Variants in ADIG observed in about 807,000 individuals in gnomAD.
ADIG encodes the protein adipogenesis associated.
ADIG carries 12 observed loss-of-function variants against 10.7 expected under a neutral mutation model. That is an observed-to-expected ratio of 1.12 (90% confidence interval 0.72 to 1.82). The LOEUF (loss-of-function observed/expected upper bound fraction) is 1.82. ADIG is among the 40% of genes most tolerant of loss of function. ADIG has a pLI of 0.00. For missense variants in ADIG, 72 were observed against 92.5 expected (o/e 0.78, Z 0.91); for synonymous variants, 32 against 35.6 (o/e 0.90, Z 0.36).
At chr20:38,585,626 C>A in intron 1 of ADIG, 1 of 1,180,036 alleles carries the variant, frequency 8.5e-7, no homozygotes, top group Non-Finnish European at 1.2e-6. Flanking sequence ...TGTTTCATCA[C>A]AAAACAGGGC....
intron 1 of ADIG, chr20:38,585,530 G>C (rs1224058771): frequency 6.5e-7 from 1 of 1,550,280 alleles, no homozygotes; most frequent in Non-Finnish European, 8.7e-7. Context: ...CATGTGGTGT[G>C]ACTCTCCCAC....
At chr20:38,588,007 G>A in intron 2 of ADIG, 94 bp from the exon 3 acceptor site, 1 of 1,207,592 alleles carries the variant, frequency 8.3e-7, no homozygotes, top group South Asian at 1.5e-5. Flanking sequence ...CAAAGTGCTG[G>A]GATTACAGGC....
At chr20:38,583,635 AGAG>A (rs2088607801) in intron 1 of ADIG, among the ~76,000 whole-genome samples, 1 of 152,210 alleles carries the variant, frequency 6.6e-6, no homozygotes, top group Non-Finnish European at 1.5e-5. Context: ...CCTTCTCCAG[AGAG>A]GAGACATTTC....
chr20:38,582,279 C>T (rs1013413694), intron 1 of ADIG, among the ~76,000 whole-genome samples: 10 of 152,136 alleles, frequency 6.6e-5, no homozygotes, highest in African/African-American at 2.4e-4. Flanking sequence ...CATCTGTGGT[C>T]CCAGCTACTG....
rs781332344 is a variant in ADIG at position 38,581,383 on chromosome 20, C to G, written c.124+9C>G. 32 of 1,613,766 alleles carry G rather than the reference C, an allele frequency of 2.0e-5. No individual in the cohort carries two copies. In the East Asian group the frequency reaches 7.1e-4, roughly 36 times the overall value. ...CTTCTTACTTAGCCAAGGTGAGCTT[C>G]TTACCCCGTCCAGGCAGGACCCTAA... On this transcript the variant is annotated intron_variant, in intron 1 of 2. Transcript: ENST00000537425.
In ADIG at chr20:38,586,049, A is replaced by C. The variant is rs376449177; in HGVS notation, c.145A>C (p.Ser49Arg). 71 of 1,609,566 alleles carry C rather than the reference A, an allele frequency of 4.4e-5. No homozygotes were observed. Among genetic ancestry groups the C allele is most frequent in the Non-Finnish European group, 5.9e-5 (70 of 1,178,188 alleles). The change falls in exon 2 of 3, where the codon AGT becomes CGT. Residue 49 changes from serine (S) to arginine (R), a missense_variant. Ser to Arg is a moderately radical substitution (Grantham distance 110). Coordinates refer to ENST00000537425, the MANE Select transcript of ADIG (RefSeq NM_001393816.1). ...LSQDSEENDS[S>R]VCLDWEPWSK... ...CACAGATTCAGAGGAAAATGACTCC[A>C]GTGTGTGCTTGGATTGGGAGCCCTG...
intron 1 of ADIG, among the ~76,000 whole-genome samples, chr20:38,582,916 C>T (rs1051119239): frequency 5.9e-5 from 9 of 152,156 alleles, no homozygotes; most frequent in African/African-American, 2.2e-4. Flanking sequence ...CTCCTGGCTT[C>T]AAGCGATTCT....
intron 1 of ADIG, among the ~76,000 whole-genome samples, chr20:38,584,182 CGAA>C (rs969681130): frequency 3.3e-5 from 5 of 152,078 alleles, no homozygotes; most frequent in African/African-American, 7.2e-5. Context: ...TTTCCCAAGT[CGAA>C]GGAGGAGCAA....
chr20:38,581,294 C>G lies in ADIG; in HGVS notation c.44C>G (p.Ser15Cys). Reference sequence around the variant, plus strand: ...CCGCTGGTGAACGACCTCACATTTTCTTTCCTGGTTTTCTGGTTCTGCCTC... The same window carrying G: ...CCGCTGGTGAACGACCTCACATTTTGTTTCCTGGTTTTCTGGTTCTGCCTC... The part of the protein sequence containing the change: ...LMPLVNDLTF[S>C]FLVFWFCLPV... Residue 15 changes from serine to cysteine, a missense_variant, in exon 1 of 3, where the codon TCT becomes TGT. Transcript: ENST00000537425. The G allele has an allele frequency of 1.9e-6, 3 of 1,613,898 alleles. No individual in the cohort carries two copies. The highest frequency in any genetic ancestry group is 2.5e-6 in the Non-Finnish European group (3 of 1,179,822).
chr20:38,583,524 C>G (rs957960191), intron 1 of ADIG, among the ~76,000 whole-genome samples: 1 of 152,236 alleles, frequency 6.6e-6, no homozygotes, highest in Non-Finnish European at 1.5e-5. Context: ...AGTACGCATA[C>G]ACACCTGGCA....
chr20:38,587,941 T>C (rs1411716988), intron 2 of ADIG, among the ~76,000 whole-genome samples, 160 bp from the exon 3 acceptor site: 1 of 152,150 alleles, frequency 6.6e-6, no homozygotes, highest in African/African-American at 2.4e-5. Flanking sequence ...TTTCACCATA[T>C]TGGTCAGGCT....
At chr20:38,583,177 T>C (rs1258299669) in intron 1 of ADIG, among the ~76,000 whole-genome samples, 1 of 152,194 alleles carries the variant, frequency 6.6e-6, no homozygotes, top group African/African-American at 2.4e-5. Flanking sequence ...ACTGACTATA[T>C]ACCAGACCTT....
chr20:38,588,094 T>C lies in ADIG; in HGVS notation c.*15-7T>C, dbSNP rs903170357. On this transcript the variant is annotated splice_polypyrimidine_tract_variant and splice_region_variant and intron_variant, in intron 2 of 2. Transcript: ENST00000537425. ...ATCCCTAGTCCCAACCTTCCTTTTG[T>C]TTCTAGTTTGGTTTTCCTGGAGTCA... The C allele has an allele frequency of 1.1e-5, 14 of 1,294,822 alleles. No individual in the cohort carries two copies. The African/African-American group carries it at 2.1e-4, about 20-fold the overall frequency. The allele number at this position is 1,294,822 out of a possible 1,614,324, so 80.2% of individuals were successfully genotyped here.
chr20:38,582,771 G>C (rs2088600362), intron 1 of ADIG, among the ~76,000 whole-genome samples: 1 of 152,032 alleles, frequency 6.6e-6, no homozygotes, highest in South Asian at 2.1e-4. Context: ...GATAAAAGTT[G>C]TCTCTCTGGA....
rs1432382941 is a variant in ADIG at position 38,588,106 on chromosome 20, T to C, written c.*20T>C. 7.7e-7 allele frequency: 1 copy of C among 1,297,850 alleles called. No individual in the cohort carries two copies. Among genetic ancestry groups the C allele is most frequent in the Admixed American group, 2.4e-5 (1 of 42,292 alleles). The allele number at this position is 1,297,850 out of a possible 1,614,324, so 80.4% of individuals were successfully genotyped here. ...AACCTTCCTTTTGTTTCTAGTTTGG[T>C]TTTCCTGGAGTCAGCAGGGCAGTGG... On this transcript the variant is annotated 3_prime_UTR_variant, in exon 3 of 3. Coordinates refer to ENST00000537425, the MANE Select transcript of ADIG (RefSeq NM_001393816.1).
chr20:38,581,223 G>C lies in ADIG; in HGVS notation c.-28G>C, dbSNP rs2088588156. ...GGGCAGCCCTGCCAGCCCAGCCCAGGCTGGCCCAGCTTAGCCACACATGCG... is the reference window on the plus strand; with the variant it reads ...GGGCAGCCCTGCCAGCCCAGCCCAGCCTGGCCCAGCTTAGCCACACATGCG... On this transcript the variant is annotated 5_prime_UTR_variant, in exon 1 of 3. Transcript: ENST00000537425. 6.3e-7 allele frequency: 1 copy of C among 1,588,582 alleles called. No individual in the cohort carries two copies. The highest frequency in any genetic ancestry group is 8.6e-7 in the Non-Finnish European group (1 of 1,166,772).
At chr20:38,587,740 C>CTTT (rs11477039) in intron 2 of ADIG, among the ~76,000 whole-genome samples, 1 of 127,364 alleles carries the variant, frequency 7.9e-6, no homozygotes, top group African/African-American at 2.7e-5. Flanking sequence ...TCTTTTTTCC[C>CTTT]TTTTTTTTTT....
intron 2 of ADIG, chr20:38,586,387 AG>A: frequency 2.0e-6 from 1 of 507,514 alleles, no homozygotes; most frequent in Admixed American, 3.3e-5. Flanking sequence ...GCCTTTACAA[AG>A]GTCCCCTACC....
chr20:38,586,006 G>A, intron 1 of ADIG, 23 bp from the exon 2 acceptor site: 1 of 1,578,592 alleles, frequency 6.3e-7, no homozygotes, highest in South Asian at 1.2e-5. Flanking sequence ...CCATCCAAGA[G>A]GCCTTGCCTC....
Sources: gnomAD v4.1 joint callset for allele counts (sites outside exome capture counted in the v4.1 genomes callset) on GRCh38, gnomAD v4.1.1 for gene constraint, MANE v1.5 for transcripts, NCBI Gene and HGNC (gene_info 2026-07-23, HGNC 2026-07-21) for gene names.